Variants in DTNA observed in about 807,000 individuals in gnomAD.
DTNA encodes the protein dystrobrevin alpha, also known as dystrophin-related protein 3.
DTNA carries 43 observed loss-of-function variants against 100.7 expected under a neutral mutation model. That is an observed-to-expected ratio of 0.43 (90% CI 0.33 to 0.55). DTNA has a LOEUF of 0.55. Among genes scored for constraint, DTNA ranks in the 20% least tolerant of loss-of-function variants. The pLI is 0.04. For missense variants in DTNA, 798 were observed against 953.9 expected (o/e 0.84, Z 2.15); for synonymous variants, 349 against 347.9 (o/e 1.00, Z -0.04).
At chr18:34,638,739 C>A (rs2058930043) in intron 1 of DTNA, among the ~76,000 whole-genome samples, 1 of 152,186 alleles carries the variant, frequency 6.6e-6, no homozygotes, top group African/African-American at 2.4e-5. Flanking sequence ...AAGCAATATT[C>A]CACTATTCAG....
chr18:34,726,750 G>C (rs2086787321), intron 1 of DTNA, among the ~76,000 whole-genome samples: 1 of 152,246 alleles, frequency 6.6e-6, no homozygotes, highest in African/African-American at 2.4e-5. Flanking sequence ...GGAGTTGAGT[G>C]CCTGTGGCTT....
At chr18:34,804,114 G>A (rs993967510) in intron 4 of DTNA, among the ~76,000 whole-genome samples, 1 of 151,684 alleles carries the variant, frequency 6.6e-6, no homozygotes, top group Admixed American at 6.6e-5. Flanking sequence ...ACATCTAGGA[G>A]AAAAGCTGTT....
At chr18:34,653,720 G>A (rs2073956962) in intron 1 of DTNA, among the ~76,000 whole-genome samples, 2 of 152,146 alleles carry the variant, frequency 1.3e-5, no homozygotes, top group Admixed American at 1.3e-4. Flanking sequence ...CTACTTGGAG[G>A]CTGAGGCATG....
chr18:34,787,659 T>C (rs1362103236), intron 3 of DTNA, among the ~76,000 whole-genome samples: 1 of 152,188 alleles, frequency 6.6e-6, no homozygotes, highest in Non-Finnish European at 1.5e-5. Context: ...GGACTCCATC[T>C]CCCATTAAAA....
intron 1 of DTNA, among the ~76,000 whole-genome samples, chr18:34,536,966 A>G (rs1167863895): frequency 2.9e-5 from 1 of 34,788 alleles, no homozygotes; most frequent in Non-Finnish European, 8.9e-5. Flanking sequence ...TAAGTCAGCC[A>G]GCTGCTTTTA....
chr18:34,744,736 C>T (rs1408032621), intron 1 of DTNA, among the ~76,000 whole-genome samples: 3 of 152,142 alleles, frequency 2.0e-5, no homozygotes, highest in African/African-American at 7.2e-5. Context: ...CTCCATCCTG[C>T]CCAGCTCCCC....
chr18:34,807,491 A>C (rs1383297887), intron 5 of DTNA, among the ~76,000 whole-genome samples: 1 of 152,188 alleles, frequency 6.6e-6, no homozygotes, highest in Admixed American at 6.5e-5. Context: ...CTTCTGAGTG[A>C]GATCGCTTGC....
chr18:34,548,142 A>G (rs949751491), intron 1 of DTNA, among the ~76,000 whole-genome samples: 4 of 152,100 alleles, frequency 2.6e-5, no homozygotes, highest in Non-Finnish European at 5.9e-5. Context: ...TCTTTTAATG[A>G]ATGACTTCCT....
At chr18:34,821,096 C>T (rs1321117431) in intron 9 of DTNA, 181 bp downstream of exon 9, 3 of 834,166 alleles carry the variant, frequency 3.6e-6, no homozygotes, top group Non-Finnish European at 5.9e-6. Flanking sequence ...AGTACTTCCA[C>T]CAGGCTGGAC....
intron 1 of DTNA, among the ~76,000 whole-genome samples, chr18:34,504,351 TCAGA>T (rs1290357176): frequency 6.6e-6 from 1 of 152,188 alleles, no homozygotes; most frequent in Non-Finnish European, 1.5e-5. Flanking sequence ...TGGAACCACA[TCAGA>T]CAGTGTTATA....
At chr18:34,721,228 G>T (rs2085245789) in intron 1 of DTNA, among the ~76,000 whole-genome samples, 1 of 152,068 alleles carries the variant, frequency 6.6e-6, no homozygotes, top group Admixed American at 6.5e-5. Flanking sequence ...AGTAAAAATT[G>T]TCTCAGTGAT....
chr18:34,535,098 C>T (rs565203007), intron 1 of DTNA, among the ~76,000 whole-genome samples: 4 of 152,282 alleles, frequency 2.6e-5, no homozygotes, highest in Admixed American at 1.3e-4. Flanking sequence ...AACTAATTTA[C>T]ACTCCCACCA....
At chr18:34,694,423 T>C (rs866444922) in intron 1 of DTNA, among the ~76,000 whole-genome samples, 3 of 152,246 alleles carry the variant, frequency 2.0e-5, no homozygotes, top group Non-Finnish European at 4.4e-5. Context: ...ATCAACTGAT[T>C]TTTGTCACTT....
At chr18:34,521,246 A>G (rs1473172162) in intron 1 of DTNA, among the ~76,000 whole-genome samples, 1 of 152,076 alleles carries the variant, frequency 6.6e-6, no homozygotes, top group Non-Finnish European at 1.5e-5. Context: ...ACACTTCATA[A>G]CCAGTCCATC....
chr18:34,779,374 A>G (rs530826844), intron 3 of DTNA, among the ~76,000 whole-genome samples: 1 of 152,232 alleles, frequency 6.6e-6, no homozygotes, highest in Non-Finnish European at 1.5e-5. Flanking sequence ...CATGGAGATT[A>G]TTCAGACTTG....
intron 1 of DTNA, among the ~76,000 whole-genome samples, chr18:34,551,930 G>A (rs570880976): frequency 5.3e-5 from 8 of 151,980 alleles, no homozygotes; most frequent in Non-Finnish European, 8.8e-5. Flanking sequence ...CTATTCAACT[G>A]GCCTTATATT....
chr18:34,751,017 A>G (rs985261857), intron 1 of DTNA, among the ~76,000 whole-genome samples: 4 of 152,146 alleles, frequency 2.6e-5, no homozygotes, highest in African/African-American at 7.2e-5. Flanking sequence ...TTCCCCATAC[A>G]TGGGGGCAAA....
intron 1 of DTNA, among the ~76,000 whole-genome samples, chr18:34,562,537 T>C (rs1043659793): frequency 1.3e-5 from 2 of 152,326 alleles, no homozygotes; most frequent in Admixed American, 1.3e-4. Flanking sequence ...TGCAGCATTC[T>C]ACTTTTCTCT....
chr18:34,534,607 T>C (rs1158383587), intron 1 of DTNA, among the ~76,000 whole-genome samples: 1 of 151,958 alleles, frequency 6.6e-6, no homozygotes. Context: ...AAGCCCCATA[T>C]GCATTTGGTA....
Sources: allele counts gnomAD v4.1 joint callset (sites outside exome capture counted in the v4.1 genomes callset), GRCh38; gene constraint gnomAD v4.1.1; transcripts MANE v1.5; gene names NCBI Gene and HGNC (gene_info 2026-07-23, HGNC 2026-07-21).